Variants in ANKS1B observed in about 807,000 individuals in gnomAD.
ANKS1B encodes ankyrin repeat and sterile alpha motif domain-containing protein 1B.
Under a neutral mutation model 148.3 loss-of-function variants are expected in ANKS1B, and 36 were observed. The observed-to-expected ratio is 0.24, with a 90% CI of 0.19 to 0.32. ANKS1B has a LOEUF of 0.32. ANKS1B is among the 10% of genes least tolerant of loss of function. The probability of loss-of-function intolerance (pLI) is 1.00; values close to 1 mark genes in which losing one functional copy is unlikely to be tolerated. For synonymous variants in ANKS1B, 542 were observed against 560.8 expected (o/e 0.97, Z 0.47); for missense variants, 1,157 against 1,542.6 (o/e 0.75, Z 4.19).
Position 99,440,192 on chromosome 12 carries a change from G to T in ANKS1B, c.1575+3481C>A, listed in dbSNP as rs188929542. 1.6e-3 allele frequency among the ~76,000 whole-genome samples: 249 copies of T among 151,838 alleles called. 1 individual carries two copies. Among genetic ancestry groups the T allele is most frequent in the Admixed American group, 8.0e-3 (122 of 15,214 alleles). On this transcript the variant is annotated intron_variant, in intron 11 of 26. Transcript: ENST00000683438. ...CAAGAGGAAACTTTCTGGGGTGATG[G>T]CAATGTTCTATATTTTGTTTTGAGT...
At chr12:99,968,227 G>A (rs1764249930) in intron 1 of ANKS1B, among the ~76,000 whole-genome samples, 1 of 152,162 alleles carries the variant, frequency 6.6e-6, no homozygotes, top group Admixed American at 6.5e-5. Flanking sequence ...AAAAACGACA[G>A]GCTTAGATTT....
chr12:99,730,932 TTTTG>T (rs1196281430), intron 8 of ANKS1B, among the ~76,000 whole-genome samples: 26 of 152,194 alleles, frequency 1.7e-4, no homozygotes, highest in African/African-American at 4.8e-5. Flanking sequence ...GTTTTGTTTC[TTTTG>T]TTTGTTTGCT....
chr12:99,964,702 T>G (rs2095463145), intron 1 of ANKS1B, among the ~76,000 whole-genome samples: 1 of 152,118 alleles, frequency 6.6e-6, no homozygotes, highest in Non-Finnish European at 1.5e-5. Flanking sequence ...TGAGAGGGCA[T>G]CCACATGCAA....
At chr12:99,081,599 T>C (rs576990906) in intron 16 of ANKS1B, among the ~76,000 whole-genome samples, 1 of 152,314 alleles carries the variant, frequency 6.6e-6, no homozygotes, top group East Asian at 1.9e-4. Context: ...TGTTTTTATA[T>C]ACTCTCTACT....
chr12:99,473,407 A>G (rs1449141822), intron 10 of ANKS1B, among the ~76,000 whole-genome samples: 1 of 152,030 alleles, frequency 6.6e-6, no homozygotes. Flanking sequence ...ACAATATTGC[A>G]GTGAATATCC....
At chr12:99,621,550 G>A (rs2098050839) in intron 9 of ANKS1B, among the ~76,000 whole-genome samples, 1 of 151,160 alleles carries the variant, frequency 6.6e-6, no homozygotes, top group Admixed American at 6.6e-5. Flanking sequence ...CAAGGTAAAG[G>A]GTTAGAGAAA....
At chr12:99,296,326 T>G (rs147104899) in intron 12 of ANKS1B, among the ~76,000 whole-genome samples, 1 of 152,348 alleles carries the variant, frequency 6.6e-6, no homozygotes, top group African/African-American at 2.4e-5. Context: ...CATATGAATG[T>G]GAGGATCAGT....
chr12:99,040,899 C>T (rs964129802), intron 17 of ANKS1B, among the ~76,000 whole-genome samples: 3 of 152,164 alleles, frequency 2.0e-5, no homozygotes. Context: ...AAGGCATAGC[C>T]AGGATCCAAA....
intron 10 of ANKS1B, among the ~76,000 whole-genome samples, chr12:99,445,126 A>T (rs2152802147): frequency 6.6e-6 from 1 of 152,170 alleles, no homozygotes; most frequent in African/African-American, 2.4e-5. Context: ...TGGCATCACA[A>T]AAGAGATGGG....
intron 17 of ANKS1B, among the ~76,000 whole-genome samples, chr12:98,971,785 T>C (rs17028946): frequency 0.18 from 27,563 of 151,908 alleles, 2,681 homozygotes; most frequent in African/African-American, 0.23. Flanking sequence ...CATCATGGAG[T>C]GTGGGAGATC....
chr12:99,863,327 C>A (rs965903740), intron 1 of ANKS1B, among the ~76,000 whole-genome samples: 4 of 152,174 alleles, frequency 2.6e-5, no homozygotes, highest in Admixed American at 1.3e-4. Flanking sequence ...CACCACTTGA[C>A]TTTTTCCCTG....
intron 1 of ANKS1B, among the ~76,000 whole-genome samples, chr12:99,913,374 A>G (rs2094066634): frequency 6.6e-6 from 1 of 152,226 alleles, no homozygotes; most frequent in African/African-American, 2.4e-5. Flanking sequence ...AATTTACATC[A>G]GCATTTCACT....
At chr12:99,300,787 A>T (rs1165568286) in intron 12 of ANKS1B, among the ~76,000 whole-genome samples, 1 of 152,204 alleles carries the variant, frequency 6.6e-6, no homozygotes, top group Non-Finnish European at 1.5e-5. Context: ...TTAGAGGCAT[A>T]CTTTGGCTGT....
intron 14 of ANKS1B, among the ~76,000 whole-genome samples, chr12:99,214,668 T>A (rs991824881): frequency 3.9e-5 from 6 of 152,158 alleles, no homozygotes; most frequent in Admixed American, 1.3e-4. Flanking sequence ...AATGGGCTAA[T>A]AAGAGTAAAC....
At chr12:98,882,652 T>TC (rs2099711170) in intron 17 of ANKS1B, among the ~76,000 whole-genome samples, 1 of 151,948 alleles carries the variant, frequency 6.6e-6, no homozygotes, top group Non-Finnish European at 1.5e-5. Context: ...ATATATTGGA[T>TC]ATAAATAATT....
chr12:99,906,918 C>G (rs1007334805), intron 1 of ANKS1B, among the ~76,000 whole-genome samples: 2 of 152,072 alleles, frequency 1.3e-5, no homozygotes, highest in Non-Finnish European at 2.9e-5. Context: ...AAACAAATAA[C>G]CACAAGAGAA....
chr12:99,950,042 GC>G (rs926781637), intron 1 of ANKS1B, among the ~76,000 whole-genome samples: 25 of 151,704 alleles, frequency 1.6e-4, no homozygotes, highest in Admixed American at 2.0e-4. Context: ...CTCACTGCAG[GC>G]TAAAGCAATT....
chr12:99,059,806 T>TATATATATATATATATATATATATATTA (rs10526013), intron 16 of ANKS1B, among the ~76,000 whole-genome samples: 1 of 144,694 alleles, frequency 6.9e-6, no homozygotes, highest in Non-Finnish European at 1.5e-5. Flanking sequence ...TATATATATA[T>TATATATATATATATATATATATATATTA]GATAGGACGT....
chr12:98,737,427 A>C (rs2097779018), intron 9 of ANKS1B, among the ~76,000 whole-genome samples: 1 of 152,176 alleles, frequency 6.6e-6, no homozygotes, highest in Non-Finnish European at 1.5e-5. Context: ...CTCTCCTAGC[A>C]TTCTCTTTTC....
Sources: allele counts gnomAD v4.1 joint callset (sites outside exome capture counted in the v4.1 genomes callset), GRCh38; gene constraint gnomAD v4.1.1; transcripts MANE v1.5; gene names NCBI Gene and HGNC (gene_info 2026-07-23, HGNC 2026-07-21).